The following NPAS3 variants were observed in gnomAD, a reference collection of about 807,000 sequenced individuals.
NPAS3 encodes the protein neuronal PAS domain-containing protein 3.
NPAS3 carries 14 observed loss-of-function variants against 73.1 expected under a neutral mutation model. That is an observed-to-expected ratio of 0.19 (90% CI 0.13 to 0.30). NPAS3 has a LOEUF of 0.30. Ranked by LOEUF, NPAS3 falls within the 10% of genes least tolerant of loss-of-function variation. NPAS3 has a pLI of 1.00. For synonymous variants in NPAS3, 620 were observed against 541.5 expected, an observed-to-expected ratio of 1.14 and a Z score of -2.01; for missense variants, 1,096 against 1,250.0, an observed-to-expected ratio of 0.88 and a Z score of 1.86.
intron 2 of NPAS3, among the ~76,000 whole-genome samples, chr14:33,131,735 T>C (rs1043623503): frequency 1.3e-5 from 2 of 152,188 alleles, no homozygotes; most frequent in African/African-American, 4.8e-5. Context: ...CAATATTTGA[T>C]AAATGCCTAT....
intron 5 of NPAS3, among the ~76,000 whole-genome samples, chr14:33,655,869 C>T (rs563531918): frequency 6.6e-6 from 1 of 152,220 alleles, no homozygotes; most frequent in South Asian, 2.1e-4. Context: ...AAAAGTCATA[C>T]CGTTTGCATC....
At chr14:33,283,984 A>G (rs2041748078) in intron 3 of NPAS3, among the ~76,000 whole-genome samples, 2 of 152,114 alleles carry the variant, frequency 1.3e-5, no homozygotes, top group South Asian at 4.1e-4. Flanking sequence ...ATTACTGTTT[A>G]ATACTTTGTT....
intron 4 of NPAS3, among the ~76,000 whole-genome samples, chr14:33,455,284 A>G (rs546043952): frequency 2.0e-5 from 3 of 152,316 alleles, no homozygotes; most frequent in African/African-American, 7.2e-5. Context: ...GTTGTATTTC[A>G]GCTCCTAAGT....
At chr14:33,592,335 T>G (rs932508826) in intron 5 of NPAS3, among the ~76,000 whole-genome samples, 6 of 152,186 alleles carry the variant, frequency 3.9e-5, no homozygotes, top group African/African-American at 1.4e-4. Context: ...AAAAGGAAAA[T>G]GAAGTTTGAA....
At chr14:33,624,338 C>T (rs967241063) in intron 5 of NPAS3, among the ~76,000 whole-genome samples, 1 of 152,154 alleles carries the variant, frequency 6.6e-6, no homozygotes, top group African/African-American at 2.4e-5. Flanking sequence ...GATGCTCTCC[C>T]GAAGTTGTGT....
chr14:33,587,419 T>G (rs901034330), intron 5 of NPAS3, among the ~76,000 whole-genome samples: 2 of 152,200 alleles, frequency 1.3e-5, no homozygotes, highest in Admixed American at 1.3e-4. Flanking sequence ...AAGCCCTAGT[T>G]CTCACATGTA....
intron 2 of NPAS3, among the ~76,000 whole-genome samples, chr14:33,161,577 A>G (rs996469606): frequency 2.6e-5 from 4 of 152,212 alleles, no homozygotes; most frequent in African/African-American, 9.6e-5. Context: ...TATGTTTCAA[A>G]TACTGGTTCT....
intron 1 of NPAS3, among the ~76,000 whole-genome samples, chr14:33,029,221 G>C (rs942965766): frequency 2.6e-5 from 4 of 152,206 alleles, no homozygotes; most frequent in African/African-American, 9.6e-5. Flanking sequence ...GCCAGGTGAA[G>C]TGACGGACGC....
intron 4 of NPAS3, among the ~76,000 whole-genome samples, chr14:33,410,165 C>A (rs188587497): frequency 6.6e-6 from 1 of 152,134 alleles, no homozygotes; most frequent in Admixed American, 6.6e-5. Context: ...TAAATAGAAT[C>A]TCTTGAAAGA....
At chr14:33,336,859 T>C (rs761957229) in intron 3 of NPAS3, among the ~76,000 whole-genome samples, 4 of 82,226 alleles carry the variant, frequency 4.9e-5, no homozygotes, top group Non-Finnish European at 8.9e-5. Context: ...TTTCAGGTAC[T>C]TATTAGCCTT....
At chr14:33,026,208 C>A (rs2039795907) in intron 1 of NPAS3, among the ~76,000 whole-genome samples, 1 of 152,200 alleles carries the variant, frequency 6.6e-6, no homozygotes, top group South Asian at 2.1e-4. Context: ...CATAGCTAGT[C>A]TTCTGGCTGG....
chr14:33,570,521 AT>A (rs2056162647), intron 5 of NPAS3, among the ~76,000 whole-genome samples: 1 of 152,210 alleles, frequency 6.6e-6, no homozygotes, highest in Non-Finnish European at 1.5e-5. Context: ...AAAAAAACCC[AT>A]AATTTTTCCG....
At chr14:33,151,377 C>T (rs2044437952) in intron 2 of NPAS3, among the ~76,000 whole-genome samples, 1 of 152,202 alleles carries the variant, frequency 6.6e-6, no homozygotes, top group African/African-American at 2.4e-5. Context: ...AATGTCAACG[C>T]ACAAAAGAAC....
chr14:33,104,026 G>A (rs189917016), intron 2 of NPAS3, among the ~76,000 whole-genome samples: 7 of 152,214 alleles, frequency 4.6e-5, no homozygotes, highest in African/African-American at 9.6e-5. Flanking sequence ...AGCTTATGGC[G>A]TCTGGCTTCA....
chr14:33,305,971 G>A (rs1037820070), intron 3 of NPAS3, among the ~76,000 whole-genome samples: 3 of 152,286 alleles, frequency 2.0e-5, no homozygotes, highest in African/African-American at 7.2e-5. Flanking sequence ...TGACCTAGGA[G>A]TAGGGTAGGA....
At chr14:33,181,025 A>G (rs10149827) in intron 2 of NPAS3, among the ~76,000 whole-genome samples, 9,838 of 152,170 alleles carry the variant, frequency 0.065, 363 homozygotes, top group Non-Finnish European at 0.08. Context: ...AGCACTCCCC[A>G]GTGAAGGATT....
chr14:33,502,153 G>C (rs929393723), intron 4 of NPAS3, among the ~76,000 whole-genome samples: 8 of 151,916 alleles, frequency 5.3e-5, no homozygotes, highest in African/African-American at 1.9e-4. Context: ...CTGAAAGTCT[G>C]CTAAATTAAA....
chr14:33,445,027 T>C (rs1157051251), intron 4 of NPAS3, among the ~76,000 whole-genome samples: 1 of 152,254 alleles, frequency 6.6e-6, no homozygotes, highest in Non-Finnish European at 1.5e-5. Context: ...ATATTCTCCA[T>C]TGTGTTCCCA....
At chr14:33,285,424 T>G (rs1751759181) in intron 3 of NPAS3, among the ~76,000 whole-genome samples, 1 of 152,156 alleles carries the variant, frequency 6.6e-6, no homozygotes. Context: ...AGTAAAATAT[T>G]TTCTCCTTCC....
Sources: allele counts gnomAD v4.1 joint callset (sites outside exome capture counted in the v4.1 genomes callset), GRCh38; gene constraint gnomAD v4.1.1; transcripts MANE v1.5; gene names NCBI Gene and HGNC (gene_info 2026-07-23, HGNC 2026-07-21).